NCBP1: variants seen among roughly 807,000 people sequenced by gnomAD.
NCBP1 encodes nuclear cap binding protein subunit 1.
NCBP1 carries 16 observed loss-of-function variants against 111.7 expected under a neutral mutation model. The ratio of observed to expected loss-of-function variants is 0.14; its 90% CI spans 0.10 to 0.22. The LOEUF is 0.22. Ranked by LOEUF, NCBP1 falls within the 10% of genes least tolerant of loss-of-function variation. NCBP1 has a pLI of 1.00. For missense variants in NCBP1, 607 were observed against 957.5 expected (o/e 0.63, Z 4.83); for synonymous variants, 304 against 314.3 (o/e 0.97, Z 0.35).
At chr9:97,652,847 A>G (rs1027547210) in intron 10 of NCBP1, among the ~76,000 whole-genome samples, 4 of 152,194 alleles carry the variant, frequency 2.6e-5, no homozygotes, top group African/African-American at 9.6e-5. Context: ...GAAATGCAAA[A>G]TGTCATTTTT....
At chr9:97,669,781 C>T in intron 22 of NCBP1, 75 bp downstream of exon 22, 1 of 1,104,204 alleles carries the variant, frequency 9.1e-7, no homozygotes, top group Non-Finnish European at 1.4e-6. Flanking sequence ...AAATCCTTGT[C>T]AAATTTGTTA....
At chr9:97,663,516 ACT>A (rs1265341034) in intron 18 of NCBP1, among the ~76,000 whole-genome samples, 8 of 151,846 alleles carry the variant, frequency 5.3e-5, no homozygotes, top group African/African-American at 1.5e-4. Flanking sequence ...ACAGAGTCTC[ACT>A]CTGTCACCCA....
At chr9:97,646,911 A>G (rs1347234278) in intron 6 of NCBP1, among the ~76,000 whole-genome samples, 1 of 148,518 alleles carries the variant, frequency 6.7e-6, no homozygotes, top group Non-Finnish European at 1.5e-5. Context: ...TATTCAAATG[A>G]TAGCCCAATA....
rs1469495590 is a variant in NCBP1 at position 97,642,745 on chromosome 9, GAATTCT to G, written c.225-457_225-452del. Among the ~76,000 whole-genome samples the G allele has an allele frequency of 2.0e-5, 3 of 152,046 alleles. No homozygotes were observed. In the East Asian group the frequency reaches 5.8e-4, roughly 29 times the overall value. The stretch of plus-strand genomic sequence containing the variant: ...AACTAGAATAGTGTTTCTCAAAGTA[GAATTCT>G]AGTTCCATGACATTTGGTTAGCTAA... On this transcript the variant is annotated intron_variant, in intron 3 of 22. Transcript: ENST00000375147.
At chr9:97,657,864 G>A (rs1007796675) in intron 14 of NCBP1, among the ~76,000 whole-genome samples, 11 of 141,376 alleles carry the variant, frequency 7.8e-5, no homozygotes, top group African/African-American at 1.1e-4. Flanking sequence ...TCCCTGGTAT[G>A]TACATGAGGA....
intron 10 of NCBP1, among the ~76,000 whole-genome samples, chr9:97,651,678 T>C (rs1827501621): frequency 1.3e-5 from 2 of 152,234 alleles, no homozygotes; most frequent in Non-Finnish European, 2.9e-5. Context: ...GCTCTGTCAA[T>C]ACATTGTCCA....
rs537235465 is a variant in NCBP1 at position 97,652,701 on chromosome 9, C to A, written c.1060-1097C>A. Among the ~76,000 whole-genome samples, 4 of 152,266 alleles carry A rather than the reference C, an allele frequency of 2.6e-5. No individual in the cohort carries two copies. In the South Asian group the frequency reaches 8.3e-4, roughly 32 times the overall value. Reference sequence around the variant, plus strand: ...TCCTCTACCGACTGAGCTAGCTGGGCCTGATAGGATGTATTAAGGTTCATA... The same window carrying A: ...TCCTCTACCGACTGAGCTAGCTGGGACTGATAGGATGTATTAAGGTTCATA... On this transcript the variant is annotated intron_variant, in intron 10 of 22. Transcript: ENST00000375147.
intron 17 of NCBP1, 73 bp from the exon 18 acceptor site, chr9:97,662,880 GA>G: frequency 8.8e-7 from 1 of 1,130,388 alleles, no homozygotes; most frequent in Non-Finnish European, 1.3e-6. Flanking sequence ...GAGTAACATT[GA>G]AAAGGCTTTG....
chr9:97,665,713 C>T (rs1827976184), intron 19 of NCBP1, among the ~76,000 whole-genome samples: 1 of 152,158 alleles, frequency 6.6e-6, no homozygotes, highest in Non-Finnish European at 1.5e-5. Flanking sequence ...GTACAGTTCA[C>T]CCTTGAACAA....
chr9:97,637,630 C>CCT (rs149895072), intron 1 of NCBP1, among the ~76,000 whole-genome samples: 17,919 of 152,008 alleles, frequency 0.12, 2,990 homozygotes, highest in African/African-American at 0.37. Flanking sequence ...GTGATGGTTG[C>CCT]CTGTTTTAAG....
At chr9:97,644,501 G>A (rs1393329475) in intron 4 of NCBP1, among the ~76,000 whole-genome samples, 1 of 152,132 alleles carries the variant, frequency 6.6e-6, no homozygotes. Flanking sequence ...TTGCCTTTTA[G>A]TGTGGGAGTC....
intron 20 of NCBP1, among the ~76,000 whole-genome samples, chr9:97,668,298 T>A (rs1486282864): frequency 6.6e-6 from 1 of 152,118 alleles, no homozygotes; most frequent in African/African-American, 2.4e-5. Flanking sequence ...AAAGAAAAAA[T>A]TAAATTCTAT....
chr9:97,648,132 CT>C lies in NCBP1; in HGVS notation c.807del (p.Pro270LeufsTer44). On this transcript the variant is annotated frameshift_variant, in exon 8 of 23. Transcript: ENST00000375147. LOFTEE classifies it high-confidence loss of function. ...ILCEALQHNL[P>X]PFTPPPHTED... ...TGTGAAGCACTGCAGCACAATCTGC[CT>C]CCTTTTACACCACCTCCTCACACTG... 1 of 1,614,110 alleles carries C rather than the reference CT, an allele frequency of 6.2e-7. No individual in the cohort carries two copies. Among genetic ancestry groups the C allele is most frequent in the Non-Finnish European group, 8.5e-7 (1 of 1,180,028 alleles).
intron 14 of NCBP1, among the ~76,000 whole-genome samples, chr9:97,658,214 T>A (rs1185968217): frequency 6.6e-6 from 1 of 152,186 alleles, no homozygotes; most frequent in Non-Finnish European, 1.5e-5. Context: ...TGTGTATATA[T>A]GCCTCCAATT....
Position 97,650,516 on chromosome 9 carries a change from C to T in NCBP1, c.911C>T (p.Pro304Leu). 1 of 1,613,064 alleles carries T rather than the reference C, an allele frequency of 6.2e-7. No homozygotes were observed. The highest frequency in any genetic ancestry group is 8.5e-7 in the Non-Finnish European group (1 of 1,179,370). Reference sequence around the variant, plus strand: ...TTTTCTTTCCAGGGTCCTGTCATGCCAGGGAGTCATTCAGTGGAAAGATTT... The same window carrying T: ...TTTTCTTTCCAGGGTCCTGTCATGCTAGGGAGTCATTCAGTGGAAAGATTT... ...YTDDPEGPVMPGSHSVERFVI... is the reference protein window; with the variant it reads ...YTDDPEGPVMLGSHSVERFVI... The change falls in exon 9 of 23, where the codon CCA (proline) becomes CTA (leucine). Residue 304 changes from proline to leucine, a missense_variant. Transcript: ENST00000375147.
At chr9:97,653,210 T>G (rs1424430333) in intron 10 of NCBP1, among the ~76,000 whole-genome samples, 1 of 145,464 alleles carries the variant, frequency 6.9e-6, no homozygotes, top group East Asian at 2.1e-4. Context: ...AACCTCCGCC[T>G]CCTGGGTTCA....
At chr9:97,655,381 AC>A (rs1827621054) in intron 12 of NCBP1, among the ~76,000 whole-genome samples, 1 of 151,748 alleles carries the variant, frequency 6.6e-6, no homozygotes, top group Non-Finnish European at 1.5e-5. Flanking sequence ...CACCTGGCCT[AC>A]AATTTCATAA....
intron 12 of NCBP1, among the ~76,000 whole-genome samples, 159 bp from the exon 13 acceptor site, chr9:97,655,543 A>G (rs920242506): frequency 6.6e-6 from 1 of 152,236 alleles, no homozygotes; most frequent in Admixed American, 6.5e-5. Flanking sequence ...TAAAAAGGAT[A>G]AAGAGAGTTG....
intron 1 of NCBP1, among the ~76,000 whole-genome samples, chr9:97,635,432 AGACG>A (rs1391279817): frequency 1.2e-4 from 15 of 120,038 alleles, no homozygotes; most frequent in African/African-American, 8.0e-4. Flanking sequence ...TTTTTTTCTG[AGACG>A]GAGTGTCATT....
Sources: allele counts gnomAD v4.1 joint callset (sites outside exome capture counted in the v4.1 genomes callset), GRCh38; gene constraint gnomAD v4.1.1; transcripts MANE v1.5; gene names NCBI Gene and HGNC (gene_info 2026-07-23, HGNC 2026-07-21).